Variants in HMCN1 observed in about 807,000 individuals in gnomAD.
HMCN1 encodes the protein hemicentin 1, also known as hemicentin-1.
A neutral mutation model predicts 625.9 loss-of-function variants in HMCN1; 321 were observed. The ratio of observed to expected loss-of-function variants is 0.51; its 90% CI spans 0.47 to 0.56. The LOEUF is 0.56. Ranked by LOEUF, HMCN1 falls within the 20% of genes least tolerant of loss-of-function variation. HMCN1 has a pLI of 0.00. For synonymous variants in HMCN1, 2,425 were observed against 2,417.6 expected (o/e 1.00, Z -0.09); for missense variants, 6,588 against 6,887.3 (o/e 0.96, Z 1.54).
chr1:185,780,603 A>G (rs1200787360), intron 1 of HMCN1, among the ~76,000 whole-genome samples: 1 of 152,206 alleles, frequency 6.6e-6, no homozygotes, highest in Non-Finnish European at 1.5e-5. Context: ...CTATTGAGAT[A>G]ATCATGTGGT....
At chr1:185,735,097 A>G in intron 1 of HMCN1, 50 bp downstream of exon 1, 3 of 1,556,124 alleles carry the variant, frequency 1.9e-6, no homozygotes, top group Non-Finnish European at 2.7e-6. Flanking sequence ...TGATTACATT[A>G]TTTCTCATGC....
chr1:185,944,242 G>A (rs1339573034), intron 11 of HMCN1, among the ~76,000 whole-genome samples: 1 of 152,048 alleles, frequency 6.6e-6, no homozygotes, highest in Non-Finnish European at 1.5e-5. Flanking sequence ...CTATGTTCTC[G>A]CTTATAAGTG....
chr1:185,842,873 T>C (rs768786415), intron 1 of HMCN1, among the ~76,000 whole-genome samples: 3 of 152,138 alleles, frequency 2.0e-5, no homozygotes, highest in African/African-American at 7.2e-5. Context: ...GTTAGTCTTC[T>C]CCTTTCACAG....
At chr1:185,980,716 C>G (rs1384914856) in intron 16 of HMCN1, among the ~76,000 whole-genome samples, 1 of 152,208 alleles carries the variant, frequency 6.6e-6, no homozygotes, top group East Asian at 1.9e-4. Flanking sequence ...CTCTATTCTA[C>G]TCACTCAGAT....
At chr1:186,091,312 A>G (rs1014710830) in intron 64 of HMCN1, among the ~76,000 whole-genome samples, 3 of 152,064 alleles carry the variant, frequency 2.0e-5, no homozygotes, top group African/African-American at 7.2e-5. Flanking sequence ...TGATTCATCA[A>G]TAATTCTAGA....
intron 49 of HMCN1, among the ~76,000 whole-genome samples, chr1:186,067,011 T>C (rs1171935724): frequency 1.3e-5 from 2 of 152,314 alleles, no homozygotes; most frequent in East Asian, 3.9e-4. Flanking sequence ...GAAATTCCCA[T>C]AAGCACTTAA....
chr1:185,957,721 G>C (rs1649724683), intron 11 of HMCN1, among the ~76,000 whole-genome samples: 1 of 152,068 alleles, frequency 6.6e-6, no homozygotes, highest in African/African-American at 2.4e-5. Context: ...GTAATAATTT[G>C]TCTTCTATGG....
chr1:185,974,086 C>T (rs1486072550), intron 15 of HMCN1, among the ~76,000 whole-genome samples: 1 of 152,118 alleles, frequency 6.6e-6, no homozygotes, highest in Non-Finnish European at 1.5e-5. Context: ...GTGTACACAG[C>T]CATATCTATA....
chr1:186,049,140 T>C (rs1656779631), intron 42 of HMCN1, among the ~76,000 whole-genome samples: 1 of 152,008 alleles, frequency 6.6e-6, no homozygotes, highest in Non-Finnish European at 1.5e-5. Context: ...TAGTAACTAC[T>C]GGTGGGTTCG....
chr1:186,184,505 C>A (rs1452161334), intron 105 of HMCN1, among the ~76,000 whole-genome samples: 6 of 152,118 alleles, frequency 3.9e-5, no homozygotes, highest in Non-Finnish European at 8.8e-5. Context: ...TTGCCTAAGA[C>A]ACAGAGAGGA....
At chr1:185,963,598 T>C (rs943636976) in intron 12 of HMCN1, among the ~76,000 whole-genome samples, 170 bp from the exon 13 acceptor site, 2 of 152,156 alleles carry the variant, frequency 1.3e-5, no homozygotes, top group African/African-American at 4.8e-5. Flanking sequence ...GATATTATTA[T>C]TATTATTGCA....
chr1:185,898,862 C>T (rs962010100), intron 4 of HMCN1, among the ~76,000 whole-genome samples: 2 of 150,770 alleles, frequency 1.3e-5, no homozygotes, highest in African/African-American at 4.9e-5. Flanking sequence ...TTGAAACTCA[C>T]CATTGACTGG....
Position 186,089,023 on chromosome 1 carries a change from T to C in HMCN1, c.9727+268T>C, listed in dbSNP as rs180851004. ...CACTTCCATTATTATCTTTCTATAG[T>C]ATATATCTATGGAGTTATACTTATT... On this transcript the variant is annotated intron_variant, in intron 63 of 106. Coordinates refer to ENST00000271588, the MANE Select transcript of HMCN1 (RefSeq NM_031935.3). Among the ~76,000 whole-genome samples the C allele has an allele frequency of 5.3e-5, 8 of 152,168 alleles. No individual in the cohort carries two copies. In the East Asian group the frequency reaches 7.7e-4, roughly 15 times the overall value.
Position 186,081,374 on chromosome 1 carries a change from TC to T in HMCN1, c.8768del (p.Ser2923LeufsTer9), listed in dbSNP as rs1186275209. 1 of 1,613,016 alleles carries T rather than the reference TC, an allele frequency of 6.2e-7. No individual in the cohort carries two copies. Among genetic ancestry groups the T allele is most frequent in the Non-Finnish European group, 8.5e-7 (1 of 1,179,248 alleles). ...LLEDDHHKFL[S>X]NGRILQILNT... Reference sequence around the variant, plus strand: ...AGAAGATGACCATCATAAATTTCTATCTAATGGACGAATTCTGCAGGTAAAA... The same window carrying T: ...AGAAGATGACCATCATAAATTTCTATTAATGGACGAATTCTGCAGGTAAAA... On this transcript the variant is annotated frameshift_variant, in exon 56 of 107. Transcript: ENST00000271588. LOFTEE classifies it high-confidence loss of function.
intron 30 of HMCN1, among the ~76,000 whole-genome samples, chr1:186,009,396 A>G (rs1653845393): frequency 6.6e-6 from 1 of 152,180 alleles, no homozygotes; most frequent in Non-Finnish European, 1.5e-5. Context: ...AATTCAGGAA[A>G]TAGTGTCATT....
chr1:185,928,366 C>A lies in HMCN1; in HGVS notation c.1431-180C>A, dbSNP rs1160961609. On this transcript the variant is annotated intron_variant, in intron 9 of 106. Transcript: ENST00000271588. The stretch of plus-strand genomic sequence containing the variant: ...TCTTTTGCTCAGAGTAGAAAAGCCT[C>A]ATTTTCTAGTAAAATATAAATGGTG... Among the ~76,000 whole-genome samples, 11 of 152,088 alleles carry A rather than the reference C, an allele frequency of 7.2e-5. No homozygotes were observed. In the East Asian group the frequency reaches 2.1e-3, roughly 29 times the overall value.
At chr1:186,027,374 AATG>A (rs1383734655) in intron 36 of HMCN1, among the ~76,000 whole-genome samples, 4 of 152,224 alleles carry the variant, frequency 2.6e-5, no homozygotes, top group Non-Finnish European at 5.9e-5. Flanking sequence ...TCCACAAACA[AATG>A]ATTATTTGGA....
At chr1:186,171,529 T>G (rs564315758) in intron 101 of HMCN1, 79 bp downstream of exon 101, 17 of 1,099,894 alleles carry the variant, frequency 1.5e-5, no homozygotes, top group Non-Finnish European at 2.2e-5. Context: ...GCATACACTG[T>G]GTCTTGGTAC....
chr1:186,063,449 AGAAGGAAGGAAGGAAGGAAGGAAG>A (rs71798893), intron 48 of HMCN1, among the ~76,000 whole-genome samples: 1,097 of 104,372 alleles, frequency 0.011, 15 homozygotes, highest in African/African-American at 0.024. Context: ...GGACGGAGAG[AGAAGGAAGGAAGGAAGGAAGGAAG>A]GAAGGAAGGA....
Sources: allele counts gnomAD v4.1 joint callset (sites outside exome capture counted in the v4.1 genomes callset), GRCh38; gene constraint gnomAD v4.1.1; transcripts MANE v1.5; gene names NCBI Gene and HGNC (gene_info 2026-07-23, HGNC 2026-07-21).